The following GALNT13 variants were observed in gnomAD, a reference collection of about 807,000 sequenced individuals.
GALNT13 encodes UDP-GalNAc:polypeptide N-acetylgalactosaminyltransferase 13.
GALNT13 carries 28 observed loss-of-function variants against 64.2 expected under a neutral mutation model. The observed-to-expected ratio is 0.44, with a 90% CI of 0.32 to 0.60. The LOEUF is 0.60. Among genes scored for constraint, GALNT13 ranks in the 20% least tolerant of loss-of-function variants. The pLI, the probability that GALNT13 is intolerant of heterozygous loss-of-function variation, is 0.05. For missense variants in GALNT13, 577 were observed against 669.8 expected (o/e 0.86, Z 1.53); for synonymous variants, 214 against 224.6 (o/e 0.95, Z 0.42).
chr2:154,185,222 A>C (rs1446665171), intron 4 of GALNT13, among the ~76,000 whole-genome samples: 2 of 152,178 alleles, frequency 1.3e-5, no homozygotes, highest in South Asian at 4.1e-4. Context: ...AGATAATTTC[A>C]TGAAGTTTCC....
In GALNT13 at chr2:154,346,132, C is replaced by A. The variant is rs529908918; in HGVS notation, c.1156+44543C>A. ...CTCTGAATTGAGGGTAACCATTTAA[C>A]CTTGCTCAGTTTTAATATTATCTGT... On this transcript the variant is annotated intron_variant, in intron 9 of 12. Transcript: ENST00000392825. Among the ~76,000 whole-genome samples the A allele has an allele frequency of 2.0e-5, 3 of 151,850 alleles. No homozygotes were observed. In the South Asian group the frequency reaches 6.2e-4, roughly 32 times the overall value.
chr2:154,414,036 A>T (rs934154741), intron 11 of GALNT13, among the ~76,000 whole-genome samples: 2 of 152,028 alleles, frequency 1.3e-5, no homozygotes, highest in Non-Finnish European at 2.9e-5. Context: ...ATTGTTTAAC[A>T]TACAATATTT....
the GALNT13 span, among the ~76,000 whole-genome samples, chr2:153,497,699 G>A: frequency 1.3e-5 from 2 of 151,606 alleles, no homozygotes; most frequent in East Asian, 1.9e-4. Flanking sequence ...CATCACGCCC[G>A]GCTACTTTTT....
At chr2:154,199,877 T>C (rs573373590) in intron 4 of GALNT13, among the ~76,000 whole-genome samples, 6 of 152,196 alleles carry the variant, frequency 3.9e-5, no homozygotes, top group Admixed American at 6.5e-5. Context: ...CTAAGACTTA[T>C]AATAATCAAG....
the GALNT13 span, among the ~76,000 whole-genome samples, chr2:153,799,818 G>C: frequency 7.2e-5 from 11 of 152,054 alleles, no homozygotes; most frequent in South Asian, 8.3e-4. Flanking sequence ...ATGTACCATA[G>C]GGCCCGGTCA....
Position 154,269,926 on chromosome 2 carries a change from T to TATATATATATATATATATATA in GALNT13, c.975+10788_975+10789insATATATATATATATATATATA, listed in dbSNP as rs1356571076. On this transcript the variant is annotated intron_variant, in intron 8 of 12. Coordinates refer to ENST00000392825, the MANE Select transcript of GALNT13 (RefSeq NM_052917.4). ...TATGTGTATATATATATATATATATTTCTAAAGCACAGGGTGAGTAGGTGT... is the reference window on the plus strand; with the variant it reads ...TATGTGTATATATATATATATATATTATATATATATATATATATATATCTAAAGCACAGGGTGAGTAGGTGT... Among the ~76,000 whole-genome samples, 118 of 33,266 alleles carry TATATATATATATATATATATA rather than the reference T, an allele frequency of 3.5e-3. 2 individuals are homozygous for TATATATATATATATATATATA. The highest frequency in any genetic ancestry group is 8.2e-3 in the African/African-American group (103 of 12,552). The allele number at this position is 33,266 out of a possible 152,430, so 21.8% of individuals were successfully genotyped here.
At chr2:153,647,408 T>G in the GALNT13 span, among the ~76,000 whole-genome samples, 1 of 152,198 alleles carries the variant, frequency 6.6e-6, no homozygotes, top group Non-Finnish European at 1.5e-5. Flanking sequence ...TCTCCCATTC[T>G]GTAGGTTGTC....
the GALNT13 span, among the ~76,000 whole-genome samples, chr2:153,229,563 C>T: frequency 6.6e-6 from 1 of 152,168 alleles, no homozygotes; most frequent in African/African-American, 2.4e-5. Context: ...TGGGCCCATA[C>T]AGGATACACT....
chr2:154,073,745 G>A (rs1700853173), intron 3 of GALNT13, among the ~76,000 whole-genome samples: 1 of 151,760 alleles, frequency 6.6e-6, no homozygotes, highest in Non-Finnish European at 1.5e-5. Context: ...TAAACTGTAA[G>A]GAACTATTAC....
chr2:154,145,096 C>CTATA lies in GALNT13; in HGVS notation c.311+4594_311+4595insATAT, dbSNP rs1306928627. Among the ~76,000 whole-genome samples, 454 of 123,996 alleles carry CTATA rather than the reference C, an allele frequency of 3.7e-3. 1 individual carries two copies. Among genetic ancestry groups the CTATA allele is most frequent in the Middle Eastern group, 0.012 (3 of 242 alleles). The allele number at this position is 123,996 out of a possible 152,430, so 81.3% of individuals were successfully genotyped here. A position where few individuals can be genotyped will look rare whatever the true frequency, so the allele number is the denominator to read the frequency against. Reference sequence around the variant, plus strand: ...TCTATCTATCTATCTATCTATCTATCTATCTATATATATATATATATATAC... The same window carrying CTATA: ...TCTATCTATCTATCTATCTATCTATCTATATATCTATATATATATATATATATAC... On this transcript the variant is annotated intron_variant, in intron 4 of 12. Coordinates refer to ENST00000392825, the MANE Select transcript of GALNT13 (RefSeq NM_052917.4).
At chr2:153,567,235 C>T in the GALNT13 span, among the ~76,000 whole-genome samples, 2 of 152,206 alleles carry the variant, frequency 1.3e-5, no homozygotes, top group African/African-American at 2.4e-5. Flanking sequence ...GCCTTCTTCT[C>T]ACTGGAGTTG....
chr2:153,305,310 C>T, the GALNT13 span, among the ~76,000 whole-genome samples: 2 of 152,144 alleles, frequency 1.3e-5, no homozygotes, highest in African/African-American at 4.8e-5. Context: ...TCTCATTGTT[C>T]TACACAGGCC....
intron 4 of GALNT13, among the ~76,000 whole-genome samples, chr2:154,219,282 A>G (rs1688203244): frequency 6.6e-6 from 1 of 152,082 alleles, no homozygotes; most frequent in African/African-American, 2.4e-5. Flanking sequence ...GGTAGGTGTT[A>G]TTAGTGATTA....
the GALNT13 span, among the ~76,000 whole-genome samples, chr2:153,204,227 A>G: frequency 6.6e-6 from 1 of 152,034 alleles, no homozygotes; most frequent in Non-Finnish European, 1.5e-5. Flanking sequence ...TCTTGGCTTT[A>G]TTGTTGTCCC....
the GALNT13 span, among the ~76,000 whole-genome samples, chr2:153,516,065 G>C: frequency 6.6e-6 from 1 of 152,170 alleles, no homozygotes; most frequent in Non-Finnish European, 1.5e-5. Context: ...TTATGAAACT[G>C]TTGCATTTAA....
At chr2:153,797,000 G>A in the GALNT13 span, among the ~76,000 whole-genome samples, 14 of 152,204 alleles carry the variant, frequency 9.2e-5, no homozygotes, top group Non-Finnish European at 1.5e-4. Flanking sequence ...CTTTAGTCAC[G>A]TTTTTTGATA....
intron 8 of GALNT13, among the ~76,000 whole-genome samples, chr2:154,278,770 A>T (rs1182236444): frequency 6.6e-6 from 1 of 152,170 alleles, no homozygotes; most frequent in Non-Finnish European, 1.5e-5. Flanking sequence ...AGTGGAATAT[A>T]AGATGATAAG....
At chr2:153,134,454 A>C in the GALNT13 span, among the ~76,000 whole-genome samples, 4 of 152,242 alleles carry the variant, frequency 2.6e-5, no homozygotes, top group Middle Eastern at 3.4e-3. Flanking sequence ...GAGAAAGGGC[A>C]TATGAAGAGC....
At chr2:153,318,683 A>G in the GALNT13 span, among the ~76,000 whole-genome samples, 1 of 152,194 alleles carries the variant, frequency 6.6e-6, no homozygotes, top group Non-Finnish European at 1.5e-5. Flanking sequence ...GAAACAATGT[A>G]TTCCATTTTT....
Sources: gnomAD v4.1 joint callset for allele counts (sites outside exome capture counted in the v4.1 genomes callset) on GRCh38, gnomAD v4.1.1 for gene constraint, MANE v1.5 for transcripts, NCBI Gene and HGNC (gene_info 2026-07-23, HGNC 2026-07-21) for gene names.